Variants in DLG2 observed in about 807,000 individuals in gnomAD.
The protein encoded by DLG2 is discs large MAGUK scaffold protein 2, also known as disks large homolog 2.
Under a neutral mutation model 132.5 loss-of-function variants are expected in DLG2, and 45 were observed. The observed-to-expected ratio is 0.34, with a 90% CI of 0.27 to 0.44. DLG2 has a LOEUF of 0.44. Ranked by LOEUF, DLG2 falls within the 20% of genes least tolerant of loss-of-function variation. DLG2 has a pLI of 1.00. For missense variants in DLG2, 1,045 were observed against 1,196.9 expected (o/e 0.87, Z 1.87); for synonymous variants, 424 against 419.6 (o/e 1.01, Z -0.13).
intron 6 of DLG2, among the ~76,000 whole-genome samples, chr11:85,031,200 T>C (rs1329456353): frequency 6.6e-6 from 1 of 152,084 alleles, no homozygotes; most frequent in Non-Finnish European, 1.5e-5. Flanking sequence ...AGTTTTTCCT[T>C]TGACCTTGAA....
intron 3 of DLG2, among the ~76,000 whole-genome samples, chr11:85,480,418 A>G (rs923445859): frequency 6.6e-6 from 1 of 152,226 alleles, no homozygotes; most frequent in Non-Finnish European, 1.5e-5. Flanking sequence ...GCAAGAAAAA[A>G]AAAGTGAACA....
chr11:84,977,802 AT>A (rs2055128108), intron 6 of DLG2, among the ~76,000 whole-genome samples: 1 of 152,132 alleles, frequency 6.6e-6, no homozygotes, highest in African/African-American at 2.4e-5. Context: ...CCTGATAAAT[AT>A]TTTGTACCTG....
At chr11:85,004,982 A>T (rs1303109014) in intron 6 of DLG2, among the ~76,000 whole-genome samples, 1 of 152,174 alleles carries the variant, frequency 6.6e-6, no homozygotes, top group Non-Finnish European at 1.5e-5. Context: ...TTAAATAGGG[A>T]ATCCTTTCCC....
chr11:85,389,834 C>T (rs2086649058), intron 3 of DLG2, among the ~76,000 whole-genome samples: 1 of 152,126 alleles, frequency 6.6e-6, no homozygotes, highest in South Asian at 2.1e-4. Flanking sequence ...CACTACCAAG[C>T]CAGCACTATA....
At chr11:84,547,965 T>C (rs547367760) in intron 6 of DLG2, among the ~76,000 whole-genome samples, 1 of 152,332 alleles carries the variant, frequency 6.6e-6, no homozygotes, top group South Asian at 2.1e-4. Flanking sequence ...GAGCTGGTTA[T>C]TGAACAGTAG....
Position 85,499,023 on chromosome 11 carries a change from A to G in DLG2, c.40+99634T>C, listed in dbSNP as rs185577718. ...AAAATCAACACATCAAAATTAAAAC[A>G]TCACAATTAAAAGAACTAGAGAAGC... On this transcript the variant is annotated intron_variant, in intron 3 of 27. Transcript: ENST00000376104. 1.7e-3 allele frequency among the ~76,000 whole-genome samples: 260 copies of G among 152,234 alleles called. 1 individual carries two copies. Among genetic ancestry groups the G allele is most frequent in the African/African-American group, 6.0e-3 (249 of 41,496 alleles).
intron 3 of DLG2, among the ~76,000 whole-genome samples, chr11:85,333,785 A>G (rs890055958): frequency 6.6e-6 from 1 of 152,030 alleles, no homozygotes; most frequent in Non-Finnish European, 1.5e-5. Flanking sequence ...AGCCTACCTG[A>G]TTGTGGTGGA....
At chr11:85,232,664 C>A (rs1219182063) in intron 4 of DLG2, among the ~76,000 whole-genome samples, 1 of 151,828 alleles carries the variant, frequency 6.6e-6, no homozygotes, top group Non-Finnish European at 1.5e-5. Flanking sequence ...TCCTAATACT[C>A]AAGGGATAAA....
At chr11:85,367,090 T>C (rs1424790910) in intron 3 of DLG2, among the ~76,000 whole-genome samples, 1 of 152,178 alleles carries the variant, frequency 6.6e-6, no homozygotes, top group Non-Finnish European at 1.5e-5. Context: ...AACAATTCCA[T>C]GAAGTATGAC....
At chr11:83,594,830 C>T (rs1471862113) in intron 19 of DLG2, among the ~76,000 whole-genome samples, 2 of 152,144 alleles carry the variant, frequency 1.3e-5, no homozygotes, top group Non-Finnish European at 2.9e-5. Flanking sequence ...GGCTCCCACT[C>T]GTCCCTACTT....
intron 6 of DLG2, among the ~76,000 whole-genome samples, chr11:84,831,341 C>T (rs533268646): frequency 6.6e-6 from 1 of 151,644 alleles, no homozygotes; most frequent in African/African-American, 2.4e-5. Context: ...TCACCCCCTC[C>T]TCCAATGTGA....
chr11:84,767,107 C>T (rs1357196564), intron 6 of DLG2, among the ~76,000 whole-genome samples: 1 of 151,998 alleles, frequency 6.6e-6, no homozygotes, highest in Admixed American at 6.5e-5. Flanking sequence ...ATAGTACCCA[C>T]CTCTCAGAGT....
intron 6 of DLG2, among the ~76,000 whole-genome samples, chr11:84,569,888 A>G (rs1230623394): frequency 6.6e-6 from 1 of 152,180 alleles, no homozygotes; most frequent in East Asian, 1.9e-4. Flanking sequence ...TGAGAGATAA[A>G]TGAACATCCA....
At position 83,532,652 on chromosome 11, in the gene DLG2, A is replaced by T. The variant is rs1012503193; in HGVS notation, c.2193+56T>A. On this transcript the variant is annotated intron_variant, in intron 21 of 27. Coordinates refer to ENST00000376104, the MANE Select transcript of DLG2 (RefSeq NM_001142699.3). Reference sequence around the variant, plus strand: ...TACTGAAAGCCTAAATGTGTTAATTATAGTTAAATCCATGGCAACTGAGAG... The same window carrying T: ...TACTGAAAGCCTAAATGTGTTAATTTTAGTTAAATCCATGGCAACTGAGAG... 12 of 1,497,002 alleles carry T rather than the reference A, an allele frequency of 8.0e-6. No homozygotes were observed. The East Asian group carries it at 9.1e-5, about 11-fold the overall frequency. 92.7% of individuals were successfully genotyped at this position (1,497,002 alleles called of 1,614,324 possible).
In DLG2 at chr11:84,600,228, A is replaced by G. The variant is rs957067698; in HGVS notation, c.358-65497T>C. On this transcript the variant is annotated intron_variant, in intron 6 of 27. Coordinates refer to ENST00000376104, the MANE Select transcript of DLG2 (RefSeq NM_001142699.3). ...AGAAAGAAAGAAAGAAAGAAAGAGA[A>G]AGAAAGACAGAAAAGCAAGCAAGCA... 6.3e-5 allele frequency among the ~76,000 whole-genome samples: 7 copies of G among 110,946 alleles called. No homozygotes were observed. The South Asian group carries it at 9.6e-4, about 15-fold the overall frequency. The allele number at this position is 110,946 out of a possible 152,430, so 72.8% of individuals were successfully genotyped here.
intron 7 of DLG2, among the ~76,000 whole-genome samples, chr11:84,357,002 C>A (rs991468668): frequency 6.6e-6 from 1 of 151,720 alleles, no homozygotes; most frequent in Non-Finnish European, 1.5e-5. Flanking sequence ...GAGAGTTGCA[C>A]GATGAGAAAT....
intron 21 of DLG2, among the ~76,000 whole-genome samples, chr11:83,494,725 G>C (rs2094055739): frequency 7.3e-6 from 1 of 137,174 alleles, no homozygotes; most frequent in Admixed American, 7.2e-5. Context: ...CTGCCTACCA[G>C]TGCCTATGTT....
At chr11:84,422,259 C>G (rs894720246) in intron 7 of DLG2, among the ~76,000 whole-genome samples, 1 of 152,138 alleles carries the variant, frequency 6.6e-6, no homozygotes, top group South Asian at 2.1e-4. Context: ...CTGTTATGCT[C>G]GTGATTTACC....
rs2152971235 is a variant in DLG2 at position 85,405,466 on chromosome 11, AT to A, written c.41-120102del. Among the ~76,000 whole-genome samples the A allele has an allele frequency of 1.3e-5, 2 of 152,144 alleles. 1 individual carries two copies. The highest frequency in any genetic ancestry group is 4.1e-4 in the South Asian group (2 of 4,828). ...AAATCAAGGTTTACATGGAGAATGA[AT>A]GAGAACATGCAGATCATTTATAATG... On this transcript the variant is annotated intron_variant, in intron 3 of 27. Transcript: ENST00000376104.
Sources: allele counts gnomAD v4.1 joint callset (sites outside exome capture counted in the v4.1 genomes callset), GRCh38; gene constraint gnomAD v4.1.1; transcripts MANE v1.5; gene names NCBI Gene and HGNC (gene_info 2026-07-23, HGNC 2026-07-21).